NAV2: variants seen among roughly 807,000 people sequenced by gnomAD.
The protein encoded by NAV2 is neuron navigator 2, also known as helicase, APC down-regulated 1.
In NAV2, 54 loss-of-function variants were observed where a neutral mutation model predicts 223.2. That is an observed-to-expected ratio of 0.24 (90% CI 0.19 to 0.30). The LOEUF is 0.30. NAV2 is among the 10% of genes least tolerant of loss of function. The pLI is 1.00. For missense variants in NAV2, 2,806 were observed against 3,147.5 expected, an observed-to-expected ratio of 0.89 and a Z score of 2.60; for synonymous variants, 1,279 against 1,239.3, an observed-to-expected ratio of 1.03 and a Z score of -0.67.
At chr11:19,403,928 C>G (rs1030339161) in intron 1 of NAV2, among the ~76,000 whole-genome samples, 5 of 47,090 alleles carry the variant, frequency 1.1e-4, no homozygotes, top group Non-Finnish European at 3.7e-4. Flanking sequence ...TCCTTGCGTA[C>G]GTGGCTCTTA....
chr11:19,356,650 A>T (rs1242986493), intron 1 of NAV2, among the ~76,000 whole-genome samples: 1 of 152,178 alleles, frequency 6.6e-6, no homozygotes, highest in African/African-American at 2.4e-5. Context: ...AGCAGCTCAC[A>T]GGGGAACCAT....
At chr11:19,349,637 A>G (rs868596106), upstream of NAV2, among the ~76,000 whole-genome samples, 9 of 152,136 alleles carry the variant, frequency 5.9e-5, no homozygotes, top group South Asian at 1.0e-3. Flanking sequence ...CCCAGCCCCC[A>G]TTCCTTTCCT....
At chr11:19,965,997 G>A (rs529996946) in intron 10 of NAV2, among the ~76,000 whole-genome samples, 10 of 152,350 alleles carry the variant, frequency 6.6e-5, no homozygotes, top group African/African-American at 1.9e-4. Flanking sequence ...ACATGGCGTG[G>A]CTTCCTGGGG....
At chr11:19,813,093 C>G (rs559140327) in intron 1 of NAV2, among the ~76,000 whole-genome samples, 53 of 152,270 alleles carry the variant, frequency 3.5e-4, no homozygotes, top group African/African-American at 1.3e-3. Flanking sequence ...CTCTTCTTTG[C>G]AGGAGTGAGA....
At chr11:19,660,555 G>A (rs560873273) in intron 1 of NAV2, among the ~76,000 whole-genome samples, 1 of 152,244 alleles carries the variant, frequency 6.6e-6, no homozygotes, top group African/African-American at 2.4e-5. Flanking sequence ...CCTGGAAAGA[G>A]CATCAGATCC....
At chr11:19,389,670 A>G (rs994969093) in intron 1 of NAV2, among the ~76,000 whole-genome samples, 1 of 152,204 alleles carries the variant, frequency 6.6e-6, no homozygotes, top group Non-Finnish European at 1.5e-5. Context: ...TGGTCGGTGC[A>G]GTGTATGTAT....
upstream of NAV2, among the ~76,000 whole-genome samples, chr11:19,346,917 C>T (rs1853045362): frequency 6.6e-6 from 1 of 152,154 alleles, no homozygotes; most frequent in Non-Finnish European, 1.5e-5. Flanking sequence ...ATTAAAAATG[C>T]GATTTTGGTG....
chr11:20,052,953 A>T (rs746076621), intron 17 of NAV2, among the ~76,000 whole-genome samples: 1 of 152,184 alleles, frequency 6.6e-6, no homozygotes, highest in Non-Finnish European at 1.5e-5. Context: ...GCGGTGGCTC[A>T]TGCCTGTAAT....
chr11:19,535,505 A>G (rs1487715507), intron 1 of NAV2, among the ~76,000 whole-genome samples: 3 of 152,172 alleles, frequency 2.0e-5, no homozygotes. Context: ...GTGGCTTGCC[A>G]TTTGTACCGG....
At chr11:19,627,408 T>A (rs918412347) in intron 1 of NAV2, among the ~76,000 whole-genome samples, 15 of 151,690 alleles carry the variant, frequency 9.9e-5, no homozygotes, top group African/African-American at 3.6e-4. Context: ...AAGAGATCCA[T>A]GTGCCTGTTG....
intron 1 of NAV2, among the ~76,000 whole-genome samples, chr11:19,352,224 C>A (rs1005524623): frequency 1.3e-5 from 2 of 152,134 alleles, no homozygotes; most frequent in Non-Finnish European, 2.9e-5. Flanking sequence ...ACCTACTAGA[C>A]CTGTCTACTC....
chr11:19,611,765 G>A (rs541149569), intron 1 of NAV2, among the ~76,000 whole-genome samples: 22 of 152,314 alleles, frequency 1.4e-4, no homozygotes, highest in East Asian at 3.9e-4. Flanking sequence ...ACAGGCTGAC[G>A]TTGAGTGTCT....
At chr11:19,417,481 T>G (rs1352008218) in intron 1 of NAV2, among the ~76,000 whole-genome samples, 1 of 152,182 alleles carries the variant, frequency 6.6e-6, no homozygotes, top group Admixed American at 6.5e-5. Context: ...ATAGGAACAC[T>G]TTTACACTGT....
At chr11:19,562,858 A>G (rs1318427376) in intron 1 of NAV2, among the ~76,000 whole-genome samples, 2 of 152,210 alleles carry the variant, frequency 1.3e-5, no homozygotes, top group African/African-American at 4.8e-5. Context: ...AATCATATGT[A>G]TTAATGGTGT....
At chr11:19,924,655 G>C (rs1253226142) in intron 6 of NAV2, among the ~76,000 whole-genome samples, 2 of 152,182 alleles carry the variant, frequency 1.3e-5, no homozygotes, top group African/African-American at 4.8e-5. Flanking sequence ...ACCCAGTAGA[G>C]AGCAAAATCT....
At chr11:19,455,456 G>A (rs1357357359) in intron 1 of NAV2, among the ~76,000 whole-genome samples, 1 of 152,094 alleles carries the variant, frequency 6.6e-6, no homozygotes, top group African/African-American at 2.4e-5. Context: ...TCCATTCATA[G>A]TATTTGCTAC....
At chr11:19,999,847 T>C (rs879349339) in intron 11 of NAV2, among the ~76,000 whole-genome samples, 1 of 152,234 alleles carries the variant, frequency 6.6e-6, no homozygotes, top group East Asian at 1.9e-4. Context: ...TCAGTGCCCT[T>C]GATCAATGGC....
chr11:20,046,087 G>A (rs1379370377), intron 14 of NAV2, among the ~76,000 whole-genome samples: 1 of 152,164 alleles, frequency 6.6e-6, no homozygotes, highest in Non-Finnish European at 1.5e-5. Flanking sequence ...TGTAATCCCA[G>A]CACTTTGGGA....
intron 1 of NAV2, among the ~76,000 whole-genome samples, chr11:19,368,701 G>C (rs1240402042): frequency 6.6e-6 from 1 of 152,200 alleles, no homozygotes; most frequent in East Asian, 1.9e-4. Context: ...TGAAGCTAAG[G>C]GAAGTTAAAA....
Sources: gnomAD v4.1 joint callset for allele counts (sites outside exome capture counted in the v4.1 genomes callset) on GRCh38, gnomAD v4.1.1 for gene constraint, MANE v1.5 for transcripts, NCBI Gene and HGNC (gene_info 2026-07-23, HGNC 2026-07-21) for gene names.